The following NCKAP1 variants were observed in gnomAD, a reference collection of about 807,000 sequenced individuals.
NCKAP1 encodes nck-associated protein 1.
A neutral mutation model predicts 151.2 loss-of-function variants in NCKAP1; 21 were observed. That is an observed-to-expected ratio of 0.14 (90% CI 0.10 to 0.20). The LOEUF is 0.20. Ranked by LOEUF, NCKAP1 falls within the 10% of genes least tolerant of loss-of-function variation. The pLI is 1.00. For missense variants in NCKAP1, 933 were observed against 1,352.1 expected (o/e 0.69, Z 4.86); for synonymous variants, 484 against 451.8 (o/e 1.07, Z -0.90).
In NCKAP1 at chr2:182,950,729, A is replaced by G. The variant is rs564006579; in HGVS notation, c.2601+1676T>C. Reference sequence around the variant, plus strand: ...CTGAGTACCTAAAAGCTTGACATGCATGATCTCATAAAATTCTCTCAAAGT... The same window carrying G: ...CTGAGTACCTAAAAGCTTGACATGCGTGATCTCATAAAATTCTCTCAAAGT... On this transcript the variant is annotated intron_variant, in intron 23 of 30. Transcript: ENST00000361354. 2.3e-4 allele frequency among the ~76,000 whole-genome samples: 35 copies of G among 152,332 alleles called. 1 individual carries two copies. The East Asian group carries it at 3.1e-3, about 13-fold the overall frequency.
intron 15 of NCKAP1, among the ~76,000 whole-genome samples, chr2:182,976,372 G>T (rs1697824150): frequency 6.6e-6 from 1 of 152,154 alleles, no homozygotes; most frequent in Non-Finnish European, 1.5e-5. Context: ...GTAAACTATG[G>T]CCTGTGGGCT....
At chr2:183,002,327 C>T (rs1698389601) in intron 4 of NCKAP1, 58 bp from the exon 5 acceptor site, 2 of 1,203,954 alleles carry the variant, frequency 1.7e-6, no homozygotes, top group African/African-American at 1.5e-5. Flanking sequence ...TTTAAACACA[C>T]ACAAAATCTT....
rs1426409485 is a variant in NCKAP1, at chr2:182,914,066, G to A, written c.*11636C>T. Reference sequence around the variant, plus strand: ...TTTAATCAGTTGTAGCCAGGGAGAAGTCACATATTGGTATCAGAGTGTGCA... The same window carrying A: ...TTTAATCAGTTGTAGCCAGGGAGAAATCACATATTGGTATCAGAGTGTGCA... On this transcript the variant is annotated 3_prime_UTR_variant, in exon 31 of 31. Coordinates refer to ENST00000361354, the MANE Select transcript of NCKAP1 (RefSeq NM_013436.5). 1.3e-5 allele frequency: 2 copies of A among 152,206 alleles called. No individual in the cohort carries two copies. The highest frequency in any genetic ancestry group is 2.9e-5 in the Non-Finnish European group (2 of 68,044). 9.4% of individuals were successfully genotyped at this position (152,206 alleles called of 1,614,324 possible).
chr2:182,980,900 C>A (rs1697924049), intron 13 of NCKAP1, among the ~76,000 whole-genome samples: 1 of 152,174 alleles, frequency 6.6e-6, no homozygotes, highest in South Asian at 2.1e-4. Context: ...ACCATCCACA[C>A]TGAACCAGGG....
At position 182,952,491 on chromosome 2, in the gene NCKAP1, A is replaced by C. The variant is rs1575026071; in HGVS notation, c.2515T>G (p.Leu839Val). The C allele has an allele frequency of 1.3e-5, 20 of 1,597,970 alleles. No individual in the cohort carries two copies. The East Asian group carries it at 4.5e-4, about 36-fold the overall frequency. ...EYSDISEMRSLSELLGPYGMK... is the reference protein window; with the variant it reads ...EYSDISEMRSVSELLGPYGMK... ...CCATATGGGCCTAGTAGTTCTGATA[A>C]TGACCTCATTTCTGAAAGAAAACAT... Residue 839 changes from leucine (L) to valine (V), a missense_variant, in exon 23 of 31, where the codon TTA (leucine) becomes GTA (valine). Around this residue, in one of 2 missense-constraint regions of NCKAP1, gnomAD observed 326 missense variants for 557.1 expected, o/e 0.59. Transcript: ENST00000361354.
rs976370228 is a variant in NCKAP1, at chr2:182,921,665, T to C, written c.*4037A>G. The C allele has an allele frequency of 5.3e-4, 81 of 152,188 alleles. No homozygotes were observed. The highest frequency in any genetic ancestry group is 1.8e-3 in the African/African-American group (75 of 41,444). 9.4% of individuals were successfully genotyped at this position (152,188 alleles called of 1,614,324 possible). ...CTGTGGCTAGGATCCTAACTTCAGA[T>C]TGCTAATTTATCCCATTTTACTTAG... On this transcript the variant is annotated 3_prime_UTR_variant, in exon 31 of 31. Transcript: ENST00000361354.
At chr2:182,952,032 G>A (rs550400649) in intron 23 of NCKAP1, among the ~76,000 whole-genome samples, 2 of 152,068 alleles carry the variant, frequency 1.3e-5, no homozygotes, top group Non-Finnish European at 1.5e-5. Flanking sequence ...TATAATCTAT[G>A]GAAAGCAAAT....
At chr2:183,026,421 T>C (rs1330681602) in intron 1 of NCKAP1, among the ~76,000 whole-genome samples, 1 of 151,184 alleles carries the variant, frequency 6.6e-6, no homozygotes, top group Non-Finnish European at 1.5e-5. Flanking sequence ...GCTACAGAGC[T>C]GTAATCACAC....
At chr2:182,927,535 G>A (rs779466282) in intron 29 of NCKAP1, among the ~76,000 whole-genome samples, 3 of 151,566 alleles carry the variant, frequency 2.0e-5, no homozygotes, top group Non-Finnish European at 2.9e-5. Context: ...TATGGAAAAG[G>A]TTATATTAAT....
At chr2:182,953,071 A>G in intron 21 of NCKAP1, 42 bp downstream of exon 21, 1 of 1,544,268 alleles carries the variant, frequency 6.5e-7, no homozygotes, top group Non-Finnish European at 8.8e-7. Context: ...GTACTTCATT[A>G]CAAATTTTCC....
chr2:182,944,568 C>T (rs550206523), intron 23 of NCKAP1, among the ~76,000 whole-genome samples: 1 of 152,088 alleles, frequency 6.6e-6, no homozygotes, highest in East Asian at 1.9e-4. Flanking sequence ...ACATGTTTCA[C>T]CATAAGTACA....
intron 20 of NCKAP1, among the ~76,000 whole-genome samples, chr2:182,953,665 G>A (rs953633603): frequency 1.3e-5 from 2 of 152,080 alleles, no homozygotes; most frequent in African/African-American, 4.8e-5. Context: ...GCTGGGCCTG[G>A]CACATGCCTG....
intron 14 of NCKAP1, among the ~76,000 whole-genome samples, chr2:182,977,286 T>C (rs1390416137): frequency 2.0e-5 from 3 of 152,010 alleles, no homozygotes; most frequent in Non-Finnish European, 4.4e-5. Context: ...GGTCAGGAGT[T>C]TGAGACTAGC....
intron 2 of NCKAP1, among the ~76,000 whole-genome samples, chr2:183,012,626 T>A (rs1698609828): frequency 6.6e-6 from 1 of 151,324 alleles, no homozygotes; most frequent in Non-Finnish European, 1.5e-5. Context: ...TACGCCTTTT[T>A]TTTTTTTTTT....
intron 14 of NCKAP1, among the ~76,000 whole-genome samples, chr2:182,978,556 T>C (rs1221315563): frequency 1.3e-5 from 2 of 152,182 alleles, no homozygotes; most frequent in Non-Finnish European, 2.9e-5. Flanking sequence ...ATTGGTATGC[T>C]TGGACCAAAT....
At position 182,960,429 on chromosome 2, in the gene NCKAP1, A is replaced by G. The variant is rs567483277; in HGVS notation, c.1881+1730T>C. 2.5e-4 allele frequency among the ~76,000 whole-genome samples: 38 copies of G among 152,346 alleles called. No homozygotes were observed. The South Asian group carries it at 7.3e-3, about 29-fold the overall frequency. ...ACAAAGCCCTCAGAAATAATGCCGC[A>G]TATCTACAACCATCTGATCTTTGAC... On this transcript the variant is annotated intron_variant, in intron 18 of 30. Coordinates refer to ENST00000361354, the MANE Select transcript of NCKAP1 (RefSeq NM_013436.5).
Position 183,038,434 on chromosome 2 carries a change from GCGGCGGCGTCTC to G in NCKAP1, c.-347_-336del. The G allele has an allele frequency of 5.2e-6, 1 of 191,548 alleles. No individual in the cohort carries two copies. The highest frequency in any genetic ancestry group is 1.0e-5 in the Non-Finnish European group (1 of 97,966). The allele number at this position is 191,548 out of a possible 1,614,324, so 11.9% of individuals were successfully genotyped here. A position where few individuals can be genotyped will look rare whatever the true frequency, so the allele number is the denominator to read the frequency against. ...ACTAGGTGTGGCGGCGGCGGCGGCG[GCGGCGGCGTCTC>G]CGGCGGCTGAGAACGAGGCCGCTTC... On this transcript the variant is annotated 5_prime_UTR_variant, in exon 1 of 31. Transcript: ENST00000361354.
Position 182,916,040 on chromosome 2 carries a change from T to G in NCKAP1, c.*9662A>C, listed in dbSNP as rs866818494. 1 of 151,918 alleles carries G rather than the reference T, an allele frequency of 6.6e-6. No homozygotes were observed. Among genetic ancestry groups the G allele is most frequent in the African/African-American group, 2.4e-5 (1 of 41,362 alleles). 9.4% of individuals were successfully genotyped at this position (151,918 alleles called of 1,614,324 possible). A position where few individuals can be genotyped will look rare whatever the true frequency, so the allele number is the denominator to read the frequency against. ...TCATTGGGAGAAATCTTAGAAACCA[T>G]GTCTTCGGGGCAGTTTCCTCTCCCT... On this transcript the variant is annotated 3_prime_UTR_variant, in exon 31 of 31. Transcript: ENST00000361354.
At chr2:183,033,003 C>A (rs1254991253) in intron 1 of NCKAP1, among the ~76,000 whole-genome samples, 3 of 152,148 alleles carry the variant, frequency 2.0e-5, no homozygotes, top group Admixed American at 2.0e-4. Context: ...GAGCTGAGAT[C>A]GTGCCATTGT....
Sources: gnomAD v4.1 joint callset for allele counts (sites outside exome capture counted in the v4.1 genomes callset) on GRCh38, gnomAD v4.1.1 for gene constraint, gnomAD v4.1.1 regional missense constraint, MANE v1.5 for transcripts, NCBI Gene and HGNC (gene_info 2026-07-23, HGNC 2026-07-21) for gene names.